Variants in VPS35 observed in about 807,000 individuals in gnomAD.
The protein encoded by VPS35 is VPS35 retromer complex component, also known as vacuolar protein sorting-associated protein 35.
A neutral mutation model predicts 98.1 loss-of-function variants in VPS35; 21 were observed. The observed-to-expected ratio is 0.21, with a 90% CI of 0.15 to 0.31. VPS35 has a LOEUF of 0.31. Ranked by LOEUF, VPS35 falls within the 10% of genes least tolerant of loss-of-function variation. The probability of loss-of-function intolerance (pLI) is 1.00; values close to 1 mark genes in which losing one functional copy is unlikely to be tolerated. For missense variants in VPS35, 554 were observed against 950.8 expected (o/e 0.58, Z 5.49); for synonymous variants, 268 against 318.2 (o/e 0.84, Z 1.68).
Position 46,674,295 on chromosome 16 carries a change from A to T in VPS35, c.1160+19T>A, listed in dbSNP as rs1208975548. The stretch of plus-strand genomic sequence containing the variant: ...CAAAAATATCTTTGAGGATTTTTAC[A>T]AAAATGTAACTGACTTACTGTTCAA... On this transcript the variant is annotated intron_variant, in intron 10 of 16. Transcript: ENST00000299138. The T allele has an allele frequency of 1.2e-6, 2 of 1,613,380 alleles. No individual in the cohort carries two copies. Among genetic ancestry groups the T allele is most frequent in the Non-Finnish European group, 1.7e-6 (2 of 1,179,732 alleles).
rs1966230459 is a variant in VPS35 at position 46,681,270 on chromosome 16, T to G, written c.323+107A>C. On this transcript the variant is annotated intron_variant, in intron 4 of 16. Coordinates refer to ENST00000299138, the MANE Select transcript of VPS35 (RefSeq NM_018206.6). ...ATCTACCAAAATGTTCATCTCAATT[T>G]GTTAAGAAGTTACCCTTAAAACTTT... The G allele has an allele frequency of 1.4e-5, 21 of 1,449,580 alleles. No homozygotes were observed. In the East Asian group the frequency reaches 4.8e-4, roughly 33 times the overall value. The allele number at this position is 1,449,580 out of a possible 1,614,324, so 89.8% of individuals were successfully genotyped here.
chr16:46,680,618 C>T, intron 5 of VPS35, 53 bp downstream of exon 5: 1 of 1,570,328 alleles, frequency 6.4e-7, no homozygotes, highest in Middle Eastern at 1.7e-4. Flanking sequence ...CACTTTTATA[C>T]ATTCTACAAT....
At chr16:46,675,562 T>A (rs1301881562) in intron 8 of VPS35, among the ~76,000 whole-genome samples, 1 of 152,172 alleles carries the variant, frequency 6.6e-6, no homozygotes, top group Non-Finnish European at 1.5e-5. Context: ...GCCCAATAAG[T>A]ATGGAATTTT....
At chr16:46,688,346 T>C (rs1169276138) in intron 1 of VPS35, 1 of 987,030 alleles carries the variant, frequency 1.0e-6, no homozygotes, top group East Asian at 1.1e-4. Flanking sequence ...GATTCACATT[T>C]TGAGGAAGTT....
At chr16:46,680,539 T>C (rs1368331235) in intron 5 of VPS35, 132 bp downstream of exon 5, 9 of 954,164 alleles carry the variant, frequency 9.4e-6, no homozygotes, top group Non-Finnish European at 1.1e-5. Context: ...GAAATCTATA[T>C]ACAAATGCTA....
chr16:46,683,162 T>C, intron 2 of VPS35: 1 of 300,630 alleles, frequency 3.3e-6, no homozygotes, highest in Non-Finnish European at 6.3e-6. Context: ...ATGTTAAATA[T>C]TCCTCAGGTC....
In VPS35 at chr16:46,680,994, T is replaced by C. The variant is rs1966225555; in HGVS notation, c.324-141A>G. The C allele has an allele frequency of 6.9e-6, 6 of 864,224 alleles. No homozygotes were observed. In the Admixed American group the frequency reaches 1.4e-4, roughly 20 times the overall value. The allele number at this position is 864,224 out of a possible 1,614,324, so 53.5% of individuals were successfully genotyped here. ...CCCGCATGACAAGGAAAATATCTCA[T>C]TTAAAATATAACCACTGACTGACCT... On this transcript the variant is annotated intron_variant, in intron 4 of 16. Coordinates refer to ENST00000299138, the MANE Select transcript of VPS35 (RefSeq NM_018206.6).
intron 2 of VPS35, chr16:46,682,458 C>T: frequency 2.8e-6 from 1 of 351,538 alleles, no homozygotes; most frequent in Non-Finnish European, 5.4e-6. Context: ...AGGAAACTAG[C>T]TCCATTCATC....
At chr16:46,672,583 G>A (rs1567266086) in intron 10 of VPS35, 111 bp from the exon 11 acceptor site, 3 of 890,066 alleles carry the variant, frequency 3.4e-6, no homozygotes, top group East Asian at 5.1e-5. Flanking sequence ...AAAGGAAATG[G>A]GTCAAGTGAA....
At chr16:46,678,110 G>A (rs1966178274) in intron 6 of VPS35, among the ~76,000 whole-genome samples, 4 of 152,146 alleles carry the variant, frequency 2.6e-5, no homozygotes. Flanking sequence ...TCGGTAAACT[G>A]AGCTGCTGCT....
intron 10 of VPS35, among the ~76,000 whole-genome samples, chr16:46,673,237 C>G (rs1966093827): frequency 6.6e-6 from 1 of 152,054 alleles, no homozygotes; most frequent in African/African-American, 2.4e-5. Context: ...TCCTGAATAG[C>G]TGGGATTACA....
intron 1 of VPS35, among the ~76,000 whole-genome samples, chr16:46,684,398 A>G (rs2143009219): frequency 6.6e-6 from 1 of 152,354 alleles, no homozygotes; most frequent in African/African-American, 2.4e-5. Flanking sequence ...ACAAAAGACT[A>G]AACAGTCTAG....
intron 1 of VPS35, among the ~76,000 whole-genome samples, chr16:46,685,264 C>A (rs1013487931): frequency 1.3e-5 from 2 of 152,180 alleles, no homozygotes; most frequent in African/African-American, 2.4e-5. Flanking sequence ...TACACATCAA[C>A]CTGCAAGTAA....
At chr16:46,678,026 G>T (rs1039300031) in intron 6 of VPS35, among the ~76,000 whole-genome samples, 5 of 152,152 alleles carry the variant, frequency 3.3e-5, no homozygotes, top group African/African-American at 1.2e-4. Context: ...TTGCTGAAAA[G>T]GTTGCCTTTG....
chr16:46,683,392 T>A, intron 2 of VPS35, 116 bp downstream of exon 2: 1 of 963,442 alleles, frequency 1.0e-6, no homozygotes, highest in Non-Finnish European at 1.6e-6. Flanking sequence ...TGAAGATAGA[T>A]GCTGGTAAAC....
In VPS35 at chr16:46,669,058, C is replaced by T; in HGVS notation, c.1525-6G>A. ...TTTCGTGCTGTGTTCAAAATCTGACCCAAAAGCATTAAAGAAAAAAAAATT... is the reference window on the plus strand; with the variant it reads ...TTTCGTGCTGTGTTCAAAATCTGACTCAAAAGCATTAAAGAAAAAAAAATT... On this transcript the variant is annotated splice_region_variant and splice_polypyrimidine_tract_variant and intron_variant, in intron 12 of 16. Coordinates refer to ENST00000299138, the MANE Select transcript of VPS35 (RefSeq NM_018206.6). The T allele has an allele frequency of 1.9e-6, 3 of 1,613,740 alleles. No homozygotes were observed. The highest frequency in any genetic ancestry group is 2.5e-6 in the Non-Finnish European group (3 of 1,179,910).
intron 2 of VPS35, 31 bp from the exon 3 acceptor site, chr16:46,682,206 T>G: frequency 6.7e-7 from 1 of 1,488,062 alleles, no homozygotes; most frequent in Non-Finnish European, 9.4e-7. Flanking sequence ...TAGATGAGAA[T>G]GCTTAATTTA....
chr16:46,673,777 GGAAAT>G (rs1966101419), intron 10 of VPS35: 1 of 155,108 alleles, frequency 6.4e-6, no homozygotes, highest in Non-Finnish European at 1.4e-5. Flanking sequence ...CACCACTTAT[GGAAAT>G]AAATACTGCC....
intron 11 of VPS35, 60 bp from the exon 12 acceptor site, chr16:46,671,920 T>A: frequency 9.4e-6 from 15 of 1,602,384 alleles, no homozygotes; most frequent in Non-Finnish European, 1.1e-5. Context: ...ACAAAGCCAT[T>A]ATCAAAAGTG....
Sources: gnomAD v4.1 joint callset for allele counts (sites outside exome capture counted in the v4.1 genomes callset) on GRCh38, gnomAD v4.1.1 for gene constraint, MANE v1.5 for transcripts, NCBI Gene and HGNC (gene_info 2026-07-23, HGNC 2026-07-21) for gene names.